PCDH9: variants seen among roughly 807,000 people sequenced by gnomAD.
PCDH9 encodes protocadherin-9.
PCDH9 carries 24 observed loss-of-function variants against 70.6 expected under a neutral mutation model. That is an observed-to-expected ratio of 0.34 (90% CI 0.25 to 0.48). PCDH9 has a LOEUF of 0.48. Among genes scored for constraint, PCDH9 ranks in the 20% least tolerant of loss-of-function variants. The pLI, the probability that PCDH9 is intolerant of heterozygous loss-of-function variation, is 0.99. For synonymous variants in PCDH9, 562 were observed against 558.5 expected (o/e 1.01, Z -0.09); for missense variants, 1,281 against 1,503.6 (o/e 0.85, Z 2.45).
chr13:66,502,581 A>G lies in PCDH9; in HGVS notation c.3340+128629T>C, dbSNP rs1474768492. Among the ~76,000 whole-genome samples, 3 of 152,256 alleles carry G rather than the reference A, an allele frequency of 2.0e-5. No homozygotes were observed. The East Asian group carries it at 5.8e-4, about 29-fold the overall frequency. ...AAGATTTTAAACAATTTTCCTGTGT[A>G]TTGTAAAAGGATGTGAAGGCTACAG... On this transcript the variant is annotated intron_variant, in intron 4 of 4. Coordinates refer to ENST00000377865, the MANE Select transcript of PCDH9 (RefSeq NM_203487.3).
chr13:66,818,371 G>A (rs942505773), intron 3 of PCDH9, among the ~76,000 whole-genome samples: 1 of 152,066 alleles, frequency 6.6e-6, no homozygotes, highest in South Asian at 2.1e-4. Context: ...TTTTGATAAG[G>A]TTTTTCAGGA....
intron 4 of PCDH9, among the ~76,000 whole-genome samples, chr13:66,421,997 G>A (rs1011330985): frequency 7.2e-5 from 11 of 152,110 alleles, no homozygotes; most frequent in African/African-American, 2.7e-4. Context: ...AATAAAAAGA[G>A]CAGGGGTTGC....
chr13:66,864,049 T>G (rs1268161615), intron 3 of PCDH9, among the ~76,000 whole-genome samples: 2 of 152,012 alleles, frequency 1.3e-5, no homozygotes, highest in East Asian at 3.9e-4. Flanking sequence ...ATAAAACCAT[T>G]AGATCTTGTG....
At chr13:66,779,096 A>G (rs2079948232) in intron 3 of PCDH9, among the ~76,000 whole-genome samples, 1 of 151,746 alleles carries the variant, frequency 6.6e-6, no homozygotes, top group Non-Finnish European at 1.5e-5. Flanking sequence ...AGTCTCTTAG[A>G]GTTCCCTATG....
At chr13:66,713,736 AC>A (rs1325580841) in intron 3 of PCDH9, among the ~76,000 whole-genome samples, 2 of 150,124 alleles carry the variant, frequency 1.3e-5, no homozygotes, top group African/African-American at 4.9e-5. Context: ...TTACCTCTCC[AC>A]CACCTCTAGT....
At chr13:66,789,667 C>A (rs2080133654) in intron 3 of PCDH9, among the ~76,000 whole-genome samples, 1 of 152,106 alleles carries the variant, frequency 6.6e-6, no homozygotes, top group Non-Finnish European at 1.5e-5. Context: ...TTCCTCTCAG[C>A]ACTGTGTATC....
chr13:67,087,483 C>A (rs2138201289), intron 2 of PCDH9, among the ~76,000 whole-genome samples: 1 of 152,212 alleles, frequency 6.6e-6, no homozygotes, highest in East Asian at 1.9e-4. Flanking sequence ...GTAAGTAATT[C>A]AACCATTACT....
intron 2 of PCDH9, among the ~76,000 whole-genome samples, chr13:66,932,836 TC>T (rs549469641): frequency 5.3e-4 from 80 of 151,222 alleles, no homozygotes; most frequent in African/African-American, 1.9e-3. Context: ...AAAAATATGT[TC>T]GCTAAAACAC....
chr13:66,904,753 TTTTCA>T (rs1039473469), intron 2 of PCDH9, among the ~76,000 whole-genome samples: 6 of 151,982 alleles, frequency 3.9e-5, no homozygotes, highest in Admixed American at 6.6e-5. Flanking sequence ...GTTCACTCTA[TTTTCA>T]TTTCAAGACC....
chr13:67,165,835 T>G (rs1223570860), intron 2 of PCDH9, among the ~76,000 whole-genome samples: 1 of 152,168 alleles, frequency 6.6e-6, no homozygotes, highest in Non-Finnish European at 1.5e-5. Context: ...CATTTGCATT[T>G]TTTCATTAGT....
At chr13:66,333,943 T>G (rs1013057032) in intron 4 of PCDH9, among the ~76,000 whole-genome samples, 1 of 152,130 alleles carries the variant, frequency 6.6e-6, no homozygotes, top group Non-Finnish European at 1.5e-5. Context: ...ACATAATAAT[T>G]ATACATGTGA....
chr13:67,058,330 C>T (rs2085463309), intron 2 of PCDH9, among the ~76,000 whole-genome samples: 1 of 152,156 alleles, frequency 6.6e-6, no homozygotes, highest in African/African-American at 2.4e-5. Flanking sequence ...CTTAGCTTCT[C>T]TGCAGGATAT....
chr13:66,787,247 A>G (rs1050732420), intron 3 of PCDH9, among the ~76,000 whole-genome samples: 1 of 152,150 alleles, frequency 6.6e-6, no homozygotes, highest in South Asian at 2.1e-4. Context: ...AGAACACAGC[A>G]CTTTTTATAT....
At chr13:66,452,548 C>A (rs1198759588) in intron 4 of PCDH9, among the ~76,000 whole-genome samples, 2 of 152,108 alleles carry the variant, frequency 1.3e-5, no homozygotes, top group African/African-American at 4.8e-5. Flanking sequence ...TCTTACACCA[C>A]TTCTTTGGTT....
chr13:66,553,127 C>T (rs1161469914), intron 4 of PCDH9, among the ~76,000 whole-genome samples: 3 of 151,994 alleles, frequency 2.0e-5, no homozygotes, highest in East Asian at 1.9e-4. Context: ...ATTTGGGTGG[C>T]GACATAGCCA....
intron 3 of PCDH9, among the ~76,000 whole-genome samples, chr13:66,807,628 TA>T (rs1191349115): frequency 1.3e-5 from 2 of 151,750 alleles, no homozygotes; most frequent in Non-Finnish European, 2.9e-5. Flanking sequence ...ATGCACAGCA[TA>T]AAAAACACTA....
intron 4 of PCDH9, among the ~76,000 whole-genome samples, chr13:66,322,836 A>G (rs746243499): frequency 8.5e-5 from 13 of 152,062 alleles, no homozygotes; most frequent in African/African-American, 1.2e-4. Flanking sequence ...AACTAGATGT[A>G]TAAAAAACAT....
intron 4 of PCDH9, among the ~76,000 whole-genome samples, chr13:66,474,396 T>G (rs1325395093): frequency 6.6e-6 from 1 of 152,130 alleles, no homozygotes; most frequent in Non-Finnish European, 1.5e-5. Context: ...TCTAACGTAC[T>G]GATCTGAAGC....
intron 2 of PCDH9, among the ~76,000 whole-genome samples, chr13:67,024,087 C>A (rs937045992): frequency 6.6e-6 from 1 of 152,066 alleles, no homozygotes; most frequent in South Asian, 2.1e-4. Flanking sequence ...CTGCAGGCAA[C>A]TATTAGCTCA....
Sources: gnomAD v4.1 joint callset for allele counts (sites outside exome capture counted in the v4.1 genomes callset) on GRCh38, gnomAD v4.1.1 for gene constraint, MANE v1.5 for transcripts, NCBI Gene and HGNC (gene_info 2026-07-23, HGNC 2026-07-21) for gene names.